NELL1: variants seen among roughly 807,000 people sequenced by gnomAD.
NELL1 encodes protein kinase C-binding protein NELL1.
Under a neutral mutation model 107.4 loss-of-function variants are expected in NELL1, and 76 were observed. The ratio of observed to expected loss-of-function variants is 0.71; its 90% CI spans 0.59 to 0.86. The LOEUF is 0.86. Among genes scored for constraint, NELL1 ranks in the 40% least tolerant of loss-of-function variants. NELL1 has a pLI of 0.00. For synonymous variants in NELL1, 353 were observed against 341.2 expected (o/e 1.03, Z -0.38); for missense variants, 1,024 against 1,005.5 (o/e 1.02, Z -0.25).
chr11:21,418,899 C>T (rs141090420), intron 15 of NELL1, among the ~76,000 whole-genome samples: 249 of 152,076 alleles, frequency 1.6e-3, no homozygotes, highest in Non-Finnish European at 2.8e-3. Flanking sequence ...TTCATGAGCA[C>T]GTAAAGTGAA....
At chr11:20,768,694 A>T (rs1208475480) in intron 2 of NELL1, among the ~76,000 whole-genome samples, 2 of 152,220 alleles carry the variant, frequency 1.3e-5, no homozygotes, top group African/African-American at 4.8e-5. Context: ...TGATGTGAAG[A>T]TGGAAGCAGA....
chr11:20,998,066 A>G (rs1425481902), intron 12 of NELL1, among the ~76,000 whole-genome samples: 1 of 152,186 alleles, frequency 6.6e-6, no homozygotes, highest in South Asian at 2.1e-4. Context: ...AATGCAAACT[A>G]TTATATTTCT....
At chr11:20,755,558 T>TATTTTTTTTTTTTTTTTA (rs1564895070) in intron 2 of NELL1, among the ~76,000 whole-genome samples, 423 of 16,396 alleles carry the variant, frequency 0.026, 5 homozygotes, top group Middle Eastern at 0.1. Context: ...TTGTTTTTGT[T>TATTTTTTTTTTTTTTTTA]TTTGTTTTTT....
intron 14 of NELL1, among the ~76,000 whole-genome samples, chr11:21,251,181 A>AT (rs1054222847): frequency 2.6e-5 from 4 of 152,152 alleles, no homozygotes; most frequent in Admixed American, 2.0e-4. Flanking sequence ...GATCTGTTTA[A>AT]TTACTGCTAA....
At chr11:20,721,751 C>T (rs911875911) in intron 2 of NELL1, among the ~76,000 whole-genome samples, 1 of 152,198 alleles carries the variant, frequency 6.6e-6, no homozygotes, top group South Asian at 2.1e-4. Flanking sequence ...AGTTTAATGA[C>T]TTGACACTAG....
At chr11:21,091,005 T>G (rs1395975568) in intron 12 of NELL1, among the ~76,000 whole-genome samples, 2 of 152,200 alleles carry the variant, frequency 1.3e-5, no homozygotes, top group Admixed American at 6.5e-5. Context: ...AAATAAAAAA[T>G]GCCTTGCAGA....
At chr11:21,415,213 A>T (rs1564883406) in intron 15 of NELL1, among the ~76,000 whole-genome samples, 1 of 152,096 alleles carries the variant, frequency 6.6e-6, no homozygotes, top group Non-Finnish European at 1.5e-5. Context: ...CTGCTCTTGC[A>T]CTTAGCAACT....
At chr11:21,474,664 C>T (rs1854277599) in intron 15 of NELL1, among the ~76,000 whole-genome samples, 1 of 152,072 alleles carries the variant, frequency 6.6e-6, no homozygotes, top group East Asian at 1.9e-4. Flanking sequence ...CTAGTAAATG[C>T]TTCCCTTGTA....
intron 2 of NELL1, among the ~76,000 whole-genome samples, chr11:20,734,162 A>G (rs1855709492): frequency 6.6e-6 from 1 of 152,106 alleles, no homozygotes; most frequent in Non-Finnish European, 1.5e-5. Flanking sequence ...GTTTGAGGAA[A>G]ATGTAGAAGA....
At chr11:21,119,460 G>C (rs1855314496) in intron 13 of NELL1, among the ~76,000 whole-genome samples, 1 of 151,286 alleles carries the variant, frequency 6.6e-6, no homozygotes, top group Non-Finnish European at 1.5e-5. Context: ...TAATTATCTA[G>C]AGCTTAAAAG....
chr11:21,395,226 G>A (rs1479631231), intron 15 of NELL1, among the ~76,000 whole-genome samples: 2 of 151,484 alleles, frequency 1.3e-5, no homozygotes, highest in Non-Finnish European at 3.0e-5. Context: ...TGGGGTGACT[G>A]ACAGCTTTAG....
chr11:21,187,535 C>T (rs1856960054), intron 13 of NELL1, among the ~76,000 whole-genome samples: 1 of 151,694 alleles, frequency 6.6e-6, no homozygotes, highest in Non-Finnish European at 1.5e-5. Context: ...CAATTAATAC[C>T]TCCCTTTCAA....
chr11:21,522,886 G>A (rs1855765195), intron 15 of NELL1, among the ~76,000 whole-genome samples: 1 of 129,340 alleles, frequency 7.7e-6, no homozygotes, highest in Non-Finnish European at 1.6e-5. Flanking sequence ...TGTCACCCAG[G>A]CTGGAGTGCA....
At chr11:20,766,752 T>G (rs370739088) in intron 2 of NELL1, among the ~76,000 whole-genome samples, 15 of 152,020 alleles carry the variant, frequency 9.9e-5, no homozygotes, top group Admixed American at 2.0e-4. Context: ...TTTTTTTTTT[T>G]TTTTGTTTCA....
intron 14 of NELL1, among the ~76,000 whole-genome samples, chr11:21,263,847 A>G (rs1414677381): frequency 6.6e-6 from 1 of 151,996 alleles, no homozygotes; most frequent in Admixed American, 6.6e-5. Flanking sequence ...CTAAGTTTTC[A>G]AAATTTTGTT....
At chr11:21,346,677 TATATA>T (rs1168636038) in intron 14 of NELL1, among the ~76,000 whole-genome samples, 5 of 148,282 alleles carry the variant, frequency 3.4e-5, no homozygotes, top group East Asian at 1.9e-4. Context: ...TCAAATTAAA[TATATA>T]ATATATATGA....
At chr11:20,874,075 C>T (rs1407318150) in intron 4 of NELL1, among the ~76,000 whole-genome samples, 1 of 150,712 alleles carries the variant, frequency 6.6e-6, no homozygotes, top group East Asian at 2.0e-4. Flanking sequence ...TGAGTTTAGA[C>T]TTTTTTTTTG....
chr11:20,918,293 C>G (rs1450410457), intron 6 of NELL1, 39 bp downstream of exon 6: 1 of 1,220,460 alleles, frequency 8.2e-7, no homozygotes, highest in South Asian at 1.2e-5. Context: ...TATTATATAA[C>G]TTGTTGATTG....
intron 4 of NELL1, among the ~76,000 whole-genome samples, chr11:20,852,851 T>C (rs1283796042): frequency 6.6e-6 from 1 of 152,182 alleles, no homozygotes; most frequent in Non-Finnish European, 1.5e-5. Context: ...GGAAGCAAGC[T>C]AGGAAGATAG....
Sources: allele counts gnomAD v4.1 joint callset (sites outside exome capture counted in the v4.1 genomes callset), GRCh38; gene constraint gnomAD v4.1.1; transcripts MANE v1.5; gene names NCBI Gene and HGNC (gene_info 2026-07-23, HGNC 2026-07-21).